The following TXNRD3 variants were observed in gnomAD, a reference collection of about 807,000 sequenced individuals.
TXNRD3 encodes the protein thioredoxin reductase 3, also known as TXNRD3 neighbor gene protein.
Under a neutral mutation model 78.2 loss-of-function variants are expected in TXNRD3, and 68 were observed. The observed-to-expected ratio is 0.87, with a 90% CI of 0.72 to 1.06. TXNRD3 has a LOEUF of 1.06. TXNRD3 is among the 50% of genes least tolerant of loss of function. The probability of loss-of-function intolerance (pLI) is 0.00; values close to 1 mark genes in which losing one functional copy is unlikely to be tolerated. For synonymous variants in TXNRD3, 296 were observed against 300.1 expected (o/e 0.99, Z 0.14); for missense variants, 751 against 809.5 (o/e 0.93, Z 0.88).
intron 4 of TXNRD3, 96 bp from the exon 5 acceptor site, chr3:126,644,149 T>C: frequency 7.2e-7 from 1 of 1,397,640 alleles, no homozygotes; most frequent in Non-Finnish European, 9.7e-7. Flanking sequence ...TGTTTTTGTG[T>C]GACACACAAT....
rs1933305769 is a variant in TXNRD3 at position 126,648,970 on chromosome 3, T to C, written c.244-1674A>G. ...AGTGCATTTTGATCACACCTGTGAA[T>C]AGCCACGGCACTCCAGCCTGGGCAA... On this transcript the variant is annotated intron_variant, in intron 1 of 15. Transcript: ENST00000524230. Among the ~76,000 whole-genome samples, 4 of 152,266 alleles carry C rather than the reference T, an allele frequency of 2.6e-5. No individual in the cohort carries two copies. The South Asian group carries it at 8.3e-4, about 32-fold the overall frequency.
intron 12 of TXNRD3, among the ~76,000 whole-genome samples, chr3:126,620,855 T>C (rs966546119): frequency 1.3e-5 from 2 of 152,200 alleles, no homozygotes; most frequent in African/African-American, 2.4e-5. Context: ...TATTGCATTG[T>C]GTTTGGGACA....
chr3:126,646,595 C>A (rs1933239056), intron 2 of TXNRD3, among the ~76,000 whole-genome samples: 1 of 152,112 alleles, frequency 6.6e-6, no homozygotes, highest in Non-Finnish European at 1.5e-5. Flanking sequence ...GGTCATAGTC[C>A]AATATTTATC....
At chr3:126,644,182 TA>T (rs1294325549) in intron 4 of TXNRD3, 114 bp downstream of exon 4, 1 of 1,345,888 alleles carries the variant, frequency 7.4e-7, no homozygotes, top group Non-Finnish European at 1.0e-6. Context: ...TTATACCAGC[TA>T]TTACAACAAA....
intron 12 of TXNRD3, among the ~76,000 whole-genome samples, chr3:126,618,261 G>A (rs1629528): frequency 0.19 from 28,190 of 151,936 alleles, 2,978 homozygotes; most frequent in Admixed American, 0.28. Flanking sequence ...GCCAAATAGC[G>A]AAAGTAATAC....
At chr3:126,650,665 A>T (rs1334654189) in intron 1 of TXNRD3, among the ~76,000 whole-genome samples, 1 of 152,010 alleles carries the variant, frequency 6.6e-6, no homozygotes, top group Non-Finnish European at 1.5e-5. Flanking sequence ...GACCTCCCTA[A>T]ATCACCTTTG....
At chr3:126,652,233 T>C (rs1485293904) in intron 1 of TXNRD3, among the ~76,000 whole-genome samples, 3 of 152,032 alleles carry the variant, frequency 2.0e-5, no homozygotes, top group South Asian at 4.2e-4. Context: ...AGCAAGACAG[T>C]GGGGTGGGGA....
At chr3:126,640,489 C>T (rs1461529103) in intron 6 of TXNRD3, among the ~76,000 whole-genome samples, 1 of 152,154 alleles carries the variant, frequency 6.6e-6, no homozygotes, top group Non-Finnish European at 1.5e-5. Context: ...CTCCCTCAAT[C>T]CATATCCTAC....
chr3:126,613,492 T>C (rs1200757779), intron 13 of TXNRD3, among the ~76,000 whole-genome samples: 2 of 152,190 alleles, frequency 1.3e-5, no homozygotes, highest in African/African-American at 2.4e-5. Flanking sequence ...GCTCACAACA[T>C]TGACAAACAT....
intron 12 of TXNRD3, among the ~76,000 whole-genome samples, chr3:126,620,701 C>G (rs1199025279): frequency 6.6e-6 from 1 of 152,148 alleles, no homozygotes; most frequent in East Asian, 1.9e-4. Flanking sequence ...CTCAACAGAT[C>G]CCTACTGCCT....
intron 12 of TXNRD3, among the ~76,000 whole-genome samples, chr3:126,618,855 C>T (rs1360990395): frequency 8.0e-6 from 1 of 124,968 alleles, no homozygotes; most frequent in African/African-American, 3.2e-5. Flanking sequence ...ACTCAAACAA[C>T]TCAGAGCCAA....
At chr3:126,633,073 A>T (rs529436910) in intron 7 of TXNRD3, among the ~76,000 whole-genome samples, 2 of 152,154 alleles carry the variant, frequency 1.3e-5, no homozygotes, top group Non-Finnish European at 2.9e-5. Context: ...ATCCTATTAT[A>T]TTTTTTTAGG....
intron 12 of TXNRD3, among the ~76,000 whole-genome samples, chr3:126,620,920 C>T (rs957725993): frequency 6.6e-6 from 1 of 152,176 alleles, no homozygotes; most frequent in African/African-American, 2.4e-5. Context: ...CCCACTAATG[C>T]AGCAGGGCCC....
intron 5 of TXNRD3, among the ~76,000 whole-genome samples, chr3:126,643,644 T>A (rs1416709465): frequency 6.6e-6 from 1 of 152,218 alleles, no homozygotes; most frequent in Non-Finnish European, 1.5e-5. Flanking sequence ...AAAATCTTCC[T>A]TATTAATGTT....
intron 10 of TXNRD3, among the ~76,000 whole-genome samples, chr3:126,623,237 C>T (rs1307578439): frequency 2.0e-5 from 3 of 152,154 alleles, no homozygotes; most frequent in Non-Finnish European, 4.4e-5. Context: ...ATTCCAGACC[C>T]AGACAGCTTC....
intron 3 of TXNRD3, 32 bp downstream of exon 3, chr3:126,646,079 C>T (rs2107627713): frequency 7.0e-7 from 1 of 1,434,112 alleles, no homozygotes; most frequent in Middle Eastern, 1.8e-4. Flanking sequence ...TATGAACAAA[C>T]AGCATTGAAG....
intron 6 of TXNRD3, among the ~76,000 whole-genome samples, chr3:126,635,037 A>G (rs1428307576): frequency 2.6e-5 from 4 of 152,136 alleles, no homozygotes; most frequent in Non-Finnish European, 5.9e-5. Flanking sequence ...TCTTCTTACT[A>G]CATTACCTCA....
At position 126,607,123 on chromosome 3, in the gene TXNRD3, T is replaced by G. The variant is rs1225894820; in HGVS notation, c.*782A>C. The G allele has an allele frequency of 2.6e-5, 4 of 152,208 alleles. No homozygotes were observed. The highest frequency in any genetic ancestry group is 2.6e-4 in the Admixed American group (4 of 15,286). The allele number at this position is 152,208 out of a possible 1,614,324, so 9.4% of individuals were successfully genotyped here. On this transcript the variant is annotated 3_prime_UTR_variant, in exon 16 of 16. Coordinates refer to ENST00000524230, the MANE Select transcript of TXNRD3 (RefSeq NM_052883.3). The stretch of plus-strand genomic sequence containing the variant: ...TGGAATTATTTCACAGATAAATTAG[T>G]TAGATTTCACATAATACAGTATTAA...
chr3:126,624,581 C>T (rs4679277), intron 10 of TXNRD3, among the ~76,000 whole-genome samples: 89,200 of 151,844 alleles, frequency 0.59, 26,777 homozygotes, highest in Non-Finnish European at 0.65. Flanking sequence ...CCACCATGAC[C>T]GGCTAATTTT....
Sources: gnomAD v4.1 joint callset for allele counts (sites outside exome capture counted in the v4.1 genomes callset) on GRCh38, gnomAD v4.1.1 for gene constraint, MANE v1.5 for transcripts, NCBI Gene and HGNC (gene_info 2026-07-23, HGNC 2026-07-21) for gene names.